SV2B: variants seen among roughly 807,000 people sequenced by gnomAD.
The protein encoded by SV2B is synaptic vesicle glycoprotein 2B.
Under a neutral mutation model 73.9 loss-of-function variants are expected in SV2B, and 41 were observed. The ratio of observed to expected loss-of-function variants is 0.56; its 90% CI spans 0.43 to 0.72. The LOEUF (loss-of-function observed/expected upper bound fraction) is 0.72, where lower values mean the gene tolerates loss of function less well. Ranked by LOEUF, SV2B falls within the 30% of genes least tolerant of loss-of-function variation. The probability of loss-of-function intolerance (pLI) is 0.00; values close to 1 mark genes in which losing one functional copy is unlikely to be tolerated. For missense variants in SV2B, 764 were observed against 857.8 expected, an observed-to-expected ratio of 0.89 and a Z score of 1.37; for synonymous variants, 314 against 314.2, an observed-to-expected ratio of 1.00 and a Z score of 0.01.
chr15:91,176,581 T>C (rs528943004), intron 1 of SV2B, among the ~76,000 whole-genome samples: 1 of 152,284 alleles, frequency 6.6e-6, no homozygotes, highest in Admixed American at 6.5e-5. Context: ...ATGATCGCCA[T>C]TGTAACTGGT....
chr15:91,202,644 T>A (rs144171965), intron 1 of SV2B, among the ~76,000 whole-genome samples: 158 of 152,252 alleles, frequency 1.0e-3, no homozygotes, highest in African/African-American at 3.7e-3. Context: ...AGAGGGAGAT[T>A]AGCACACTGG....
chr15:91,255,454 C>T (rs2047651599), intron 4 of SV2B, among the ~76,000 whole-genome samples: 1 of 152,072 alleles, frequency 6.6e-6, no homozygotes, highest in Non-Finnish European at 1.5e-5. Flanking sequence ...ACACAAGGGA[C>T]TCTGGGGACT....
rs1258617379 is a variant in SV2B at position 91,224,868 on chromosome 15, A to G, written c.-391-1005A>G. Among the ~76,000 whole-genome samples the G allele has an allele frequency of 6.6e-6, 1 of 152,192 alleles. No homozygotes were observed. The highest frequency in any genetic ancestry group is 1.5e-5 in the Non-Finnish European group (1 of 68,032). ...GAAACCTGAGATTCTAGGCACAATG[A>G]GAATCCACTGGGCAAAGGAGTCAAC... On this transcript the variant is annotated intron_variant, in intron 1 of 12. Coordinates refer to ENST00000394232, the MANE Select transcript of SV2B (RefSeq NM_001323032.3). This position sits in a 1 kb window ranked among gnomAD's most constrained non-coding sequence, Gnocchi z 4.9.
At chr15:91,155,592 G>A (rs1567297735) in intron 1 of SV2B, among the ~76,000 whole-genome samples, 1 of 152,152 alleles carries the variant, frequency 6.6e-6, no homozygotes, top group Non-Finnish European at 1.5e-5. Flanking sequence ...GAGGTCTCGT[G>A]TCTCATGACT....
At chr15:91,211,133 C>T (rs17642462) in intron 1 of SV2B, among the ~76,000 whole-genome samples, 4,475 of 152,278 alleles carry the variant, frequency 0.029, 193 homozygotes, top group East Asian at 0.12. Flanking sequence ...GCAGTAGTTT[C>T]GAAGCCGCTA....
At chr15:91,111,049 T>A (rs185887827) in intron 1 of SV2B, among the ~76,000 whole-genome samples, 1 of 152,152 alleles carries the variant, frequency 6.6e-6, no homozygotes, top group African/African-American at 2.4e-5. Context: ...AAGGTCTTTT[T>A]TTTGGTGGCG....
rs2047900092 is a variant in SV2B at position 91,261,240 on chromosome 15, G to A, written c.1008+831G>A. Among the ~76,000 whole-genome samples, 1 of 149,852 alleles carries A rather than the reference G, an allele frequency of 6.7e-6. No homozygotes were observed. The highest frequency in any genetic ancestry group is 1.5e-5 in the Non-Finnish European group (1 of 67,816). ...ATAGTGCCACTGCACTCCAGCCTGG[G>A]CAACAGAGCAGGACTGTGTCTGAAA... is the stretch of plus-strand genomic sequence containing the variant. On this transcript the variant is annotated intron_variant, in intron 6 of 12. Transcript: ENST00000394232. This position sits in a 1 kb window ranked among gnomAD's most constrained non-coding sequence, Gnocchi z 4.7.
chr15:91,283,496 C>T lies in SV2B; in HGVS notation c.1508-525C>T, dbSNP rs112349751. Among the ~76,000 whole-genome samples, 75 of 152,234 alleles carry T rather than the reference C, an allele frequency of 4.9e-4. 1 individual carries two copies. Among genetic ancestry groups the T allele is most frequent in the African/African-American group, 1.8e-3 (74 of 41,544 alleles). On this transcript the variant is annotated intron_variant, in intron 10 of 12. Coordinates refer to ENST00000394232, the MANE Select transcript of SV2B (RefSeq NM_001323032.3). This position sits in a 1 kb window ranked among gnomAD's most constrained non-coding sequence, Gnocchi z 4.3. ...TTTTGCCCAGGCTGGAATGCAGTGG[C>T]ATGACCATGGCTCAATGTAGCCTTG...
intron 1 of SV2B, among the ~76,000 whole-genome samples, chr15:91,215,533 C>G (rs1400714597): frequency 6.6e-6 from 1 of 152,138 alleles, no homozygotes; most frequent in African/African-American, 2.4e-5. Flanking sequence ...AATTGGCAAA[C>G]ATTAACATCT....
intron 1 of SV2B, among the ~76,000 whole-genome samples, chr15:91,102,927 A>G (rs867931546): frequency 6.6e-6 from 1 of 152,168 alleles, no homozygotes; most frequent in South Asian, 2.1e-4. Context: ...AAACCCTGAG[A>G]TAGGAGAGAG....
intron 1 of SV2B, among the ~76,000 whole-genome samples, chr15:91,179,971 C>G (rs1231598812): frequency 2.0e-5 from 3 of 150,854 alleles, no homozygotes; most frequent in Non-Finnish European, 4.4e-5. Flanking sequence ...TTAGTTGATG[C>G]AGTTTCTTCC....
intron 1 of SV2B, among the ~76,000 whole-genome samples, chr15:91,125,606 T>G (rs2042454459): frequency 6.6e-6 from 1 of 151,448 alleles, no homozygotes; most frequent in Admixed American, 6.6e-5. Flanking sequence ...ACCCTGTCAC[T>G]ACCCAAAATA....
rs953261780 is a variant in SV2B at position 91,241,785 on chromosome 15, G to T, written c.452-10034G>T. On this transcript the variant is annotated intron_variant, in intron 2 of 12. Transcript: ENST00000394232. This position sits in a 1 kb window ranked among gnomAD's most constrained non-coding sequence, Gnocchi z 4.8. ...TTGTAATCCTTTTTCTCATCATTTT[G>T]TAACTCCTCCTCATCAATATTTATC... Among the ~76,000 whole-genome samples, 1 of 152,028 alleles carries T rather than the reference G, an allele frequency of 6.6e-6. No individual in the cohort carries two copies. The highest frequency in any genetic ancestry group is 2.1e-4 in the South Asian group (1 of 4,818).
chr15:91,116,251 C>A (rs926987279), intron 1 of SV2B, among the ~76,000 whole-genome samples: 1 of 152,088 alleles, frequency 6.6e-6, no homozygotes, highest in Non-Finnish European at 1.5e-5. Context: ...TTCCTAAAAC[C>A]AGGAGGGAGT....
At chr15:91,230,495 G>T (rs997709371) in intron 2 of SV2B, among the ~76,000 whole-genome samples, 2 of 152,138 alleles carry the variant, frequency 1.3e-5, no homozygotes, top group African/African-American at 2.4e-5. Flanking sequence ...ATTTTTCTGA[G>T]CTTTTAGAAA....
intron 1 of SV2B, among the ~76,000 whole-genome samples, chr15:91,167,782 C>A (rs2043967154): frequency 6.6e-6 from 1 of 152,154 alleles, no homozygotes; most frequent in Non-Finnish European, 1.5e-5. Context: ...TTTATCCTAC[C>A]ACAAATTACA....
At chr15:91,286,130 C>G (rs2048852629) in intron 11 of SV2B, among the ~76,000 whole-genome samples, 1 of 152,184 alleles carries the variant, frequency 6.6e-6, no homozygotes, top group Admixed American at 6.5e-5. Context: ...TGAGACAGGA[C>G]CTTCTTTGTC....
At chr15:91,165,770 A>G (rs1037283267) in intron 1 of SV2B, among the ~76,000 whole-genome samples, 15 of 152,254 alleles carry the variant, frequency 9.9e-5, no homozygotes, top group Non-Finnish European at 1.9e-4. Flanking sequence ...ACAGTCATAC[A>G]TATTTTAAAG....
chr15:91,178,671 T>C (rs1005184072), intron 1 of SV2B, among the ~76,000 whole-genome samples: 2 of 151,856 alleles, frequency 1.3e-5, no homozygotes, highest in African/African-American at 4.8e-5. Flanking sequence ...TTTTCTAGTT[T>C]ATTTGCGTAG....
Sources: gnomAD v4.1 joint callset for allele counts (sites outside exome capture counted in the v4.1 genomes callset) on GRCh38, gnomAD v4.1.1 for gene constraint, Gnocchi (gnomAD v3.1) non-coding constraint, MANE v1.5 for transcripts, NCBI Gene and HGNC (gene_info 2026-07-23, HGNC 2026-07-21) for gene names.